Variants in RBMS1 observed in about 807,000 individuals in gnomAD.
RBMS1 encodes the protein RNA-binding motif, single-stranded-interacting protein 1.
In RBMS1, 17 loss-of-function variants were observed where a neutral mutation model predicts 62.3. That is an observed-to-expected ratio of 0.27 (90% confidence interval 0.19 to 0.41). The LOEUF (loss-of-function observed/expected upper bound fraction) is 0.41, where lower values mean the gene tolerates loss of function less well. Ranked by LOEUF, RBMS1 falls within the 10% of genes least tolerant of loss-of-function variation. The pLI is 1.00. For missense variants in RBMS1, 334 were observed against 504.5 expected, an observed-to-expected ratio of 0.66 and a Z score of 3.24; for synonymous variants, 172 against 170.0, an observed-to-expected ratio of 1.01 and a Z score of -0.09.
chr2:160,285,157 T>G, intron 7 of RBMS1, 113 bp from the exon 8 acceptor site: 1 of 1,015,246 alleles, frequency 9.8e-7, no homozygotes, highest in South Asian at 1.3e-5. Context: ...CTGGGGAGGC[T>G]GAGGTGGGAA....
At position 160,278,502 on chromosome 2, in the gene RBMS1, AC is replaced by A. The variant is rs758811256; in HGVS notation, c.1062+45del. The A allele has an allele frequency of 4.8e-6, 7 of 1,472,314 alleles. No individual in the cohort carries two copies. In the African/African-American group the frequency reaches 9.7e-5, roughly 20 times the overall value. 91.2% of individuals were successfully genotyped at this position (1,472,314 alleles called of 1,614,324 possible). On this transcript the variant is annotated intron_variant, in intron 11 of 13. Coordinates refer to ENST00000348849, the MANE Select transcript of RBMS1 (RefSeq NM_016836.4). ...GGGAAGATACAGGCTGCATTAATTTACCCTCCTCTGTTTACAGAGACACATG... is the reference window on the plus strand; with the variant it reads ...GGGAAGATACAGGCTGCATTAATTTACCTCCTCTGTTTACAGAGACACATG...
At chr2:160,466,543 T>C (rs930311821) in intron 1 of RBMS1, among the ~76,000 whole-genome samples, 2 of 152,144 alleles carry the variant, frequency 1.3e-5, no homozygotes, top group Admixed American at 6.5e-5. Context: ...TCTCAAATGT[T>C]AACACAGTAA....
chr2:160,318,150 AC>A lies in RBMS1; in HGVS notation c.310+18del. 6.3e-7 allele frequency: 1 copy of A among 1,597,026 alleles called. No individual in the cohort carries two copies. The highest frequency in any genetic ancestry group is 1.8e-5 in the Admixed American group (1 of 56,546). On this transcript the variant is annotated intron_variant, in intron 3 of 13. Transcript: ENST00000348849. ...TTCTAAAGCTATCATTTACCAAATAACCAGCCAAGAAAACATACCTTTGCAT... is the reference window on the plus strand; with the variant it reads ...TTCTAAAGCTATCATTTACCAAATAACAGCCAAGAAAACATACCTTTGCAT...
intron 2 of RBMS1, among the ~76,000 whole-genome samples, chr2:160,337,819 C>T (rs1435836804): frequency 1.3e-5 from 2 of 152,168 alleles, no homozygotes; most frequent in African/African-American, 2.4e-5. Context: ...GCCACTAGCT[C>T]TTAGGGCACC....
intron 1 of RBMS1, among the ~76,000 whole-genome samples, chr2:160,442,943 C>T (rs938392287): frequency 3.9e-5 from 6 of 152,268 alleles, no homozygotes; most frequent in Non-Finnish European, 7.4e-5. Flanking sequence ...CGGTGGCTCA[C>T]GCCTGTAATC....
At chr2:160,478,547 A>G (rs1685234182) in intron 1 of RBMS1, among the ~76,000 whole-genome samples, 1 of 152,226 alleles carries the variant, frequency 6.6e-6, no homozygotes, top group African/African-American at 2.4e-5. Flanking sequence ...TTTCTATCAA[A>G]GAGTTAGTGA....
intron 1 of RBMS1, among the ~76,000 whole-genome samples, chr2:160,454,655 A>C (rs1222534694): frequency 6.6e-6 from 1 of 152,200 alleles, no homozygotes; most frequent in African/African-American, 2.4e-5. Flanking sequence ...CCTGGAACCC[A>C]GTGAAGAAGA....
intron 10 of RBMS1, among the ~76,000 whole-genome samples, chr2:160,280,662 T>C (rs758634983): frequency 6.6e-6 from 1 of 152,242 alleles, no homozygotes; most frequent in Non-Finnish European, 1.5e-5. Flanking sequence ...CATGTGAGCA[T>C]GCAGGGTCAT....
In RBMS1 at chr2:160,318,229, TAA is replaced by T. The variant is rs5835799; in HGVS notation, c.252-4_252-3del. 142,607 of 1,097,050 alleles carry T rather than the reference TAA, an allele frequency of 0.13. 2 individuals are homozygous for T. The highest frequency in any genetic ancestry group is 0.16 in the Middle Eastern group (495 of 3,068). 68.0% of individuals were successfully genotyped at this position (1,097,050 alleles called of 1,614,324 possible). On this transcript the variant is annotated splice_polypyrimidine_tract_variant and splice_region_variant and intron_variant, in intron 2 of 13. Transcript: ENST00000348849. ...TTTGTGGAGACTATTTTCCCATATCTAAAAAAAAAAAAAAAAAAAAAAAGGAA... is the reference window on the plus strand; with the variant it reads ...TTTGTGGAGACTATTTTCCCATATCTAAAAAAAAAAAAAAAAAAAAAGGAA...
chr2:160,344,195 T>C (rs1045075730), intron 2 of RBMS1, among the ~76,000 whole-genome samples: 15 of 152,144 alleles, frequency 9.9e-5, no homozygotes, highest in African/African-American at 3.1e-4. Flanking sequence ...GATATTTTAA[T>C]TGTAAAACTA....
chr2:160,329,521 C>T (rs1452859812), intron 2 of RBMS1, among the ~76,000 whole-genome samples: 2 of 152,074 alleles, frequency 1.3e-5, no homozygotes, highest in Admixed American at 6.6e-5. Flanking sequence ...TAGGATAGTA[C>T]GGCTCCAAAA....
chr2:160,311,250 A>ATATC (rs1689893581), intron 4 of RBMS1, among the ~76,000 whole-genome samples: 1 of 131,568 alleles, frequency 7.6e-6, no homozygotes, highest in African/African-American at 2.6e-5. Flanking sequence ...ATATATATAT[A>ATATC]TATATATAGT....
At chr2:160,477,950 T>C (rs1003964008) in intron 1 of RBMS1, among the ~76,000 whole-genome samples, 2 of 152,248 alleles carry the variant, frequency 1.3e-5, no homozygotes, top group African/African-American at 2.4e-5. Flanking sequence ...TATTTACACA[T>C]GAATATTATT....
chr2:160,490,465 G>C (rs917281161), intron 1 of RBMS1, among the ~76,000 whole-genome samples: 10 of 152,054 alleles, frequency 6.6e-5, no homozygotes, highest in African/African-American at 2.2e-4. Flanking sequence ...ATTTCATGGA[G>C]ACATATTACT....
intron 1 of RBMS1, among the ~76,000 whole-genome samples, chr2:160,402,550 T>C (rs1695493645): frequency 6.6e-6 from 1 of 152,340 alleles, no homozygotes; most frequent in Admixed American, 6.5e-5. Flanking sequence ...TTTAACTCAG[T>C]GTCTAGTATG....
chr2:160,492,547 T>C (rs1685876651), intron 1 of RBMS1, among the ~76,000 whole-genome samples: 1 of 152,208 alleles, frequency 6.6e-6, no homozygotes, highest in Non-Finnish European at 1.5e-5. Flanking sequence ...TTTAACCAAA[T>C]ACGAAGTCAC....
At chr2:160,415,887 G>C (rs1029926505) in intron 1 of RBMS1, among the ~76,000 whole-genome samples, 2 of 151,884 alleles carry the variant, frequency 1.3e-5, no homozygotes, top group African/African-American at 4.8e-5. Context: ...ATGTAAATGA[G>C]AATACTGAAA....
At chr2:160,454,618 G>A (rs1285614511) in intron 1 of RBMS1, among the ~76,000 whole-genome samples, 6 of 152,164 alleles carry the variant, frequency 3.9e-5, no homozygotes, top group Non-Finnish European at 2.9e-5. Context: ...GGATCTGGGC[G>A]TGTGTAAGGA....
intron 1 of RBMS1, chr2:160,407,733 T>G: frequency 1.0e-6 from 1 of 981,136 alleles, no homozygotes; most frequent in Non-Finnish European, 1.2e-6. Flanking sequence ...CGCACTCGCC[T>G]AAAAGTACGG....
Sources: allele counts gnomAD v4.1 joint callset (sites outside exome capture counted in the v4.1 genomes callset), GRCh38; gene constraint gnomAD v4.1.1; transcripts MANE v1.5; gene names NCBI Gene and HGNC (gene_info 2026-07-23, HGNC 2026-07-21).